PDZD2: variants seen among roughly 807,000 people sequenced by gnomAD.
PDZD2 encodes the protein PDZ domain-containing protein 2.
PDZD2 carries 90 observed loss-of-function variants against 220.7 expected under a neutral mutation model. The observed-to-expected ratio is 0.41, with a 90% CI of 0.34 to 0.49. PDZD2 has a LOEUF of 0.49. Ranked by LOEUF, PDZD2 falls within the 20% of genes least tolerant of loss-of-function variation. The pLI is 0.28. For missense variants in PDZD2, 3,174 were observed against 3,608.5 expected (o/e 0.88, Z 3.08); for synonymous variants, 1,375 against 1,450.5 (o/e 0.95, Z 1.18).
intron 1 of PDZD2, chr5:31,661,478 G>A (rs994038528): frequency 2.6e-5 from 4 of 152,192 alleles, no homozygotes; most frequent in Non-Finnish European, 4.4e-5. Flanking sequence ...GGGGACAGCC[G>A]AGCCAAGAAT....
rs1017504360 is a variant in PDZD2, at chr5:31,743,409, C to T, written c.-360-55480C>T. Among the ~76,000 whole-genome samples the T allele has an allele frequency of 3.3e-5, 5 of 152,058 alleles. No individual in the cohort carries two copies. In the South Asian group the frequency reaches 6.2e-4, roughly 19 times the overall value. On this transcript the variant is annotated intron_variant, in intron 1 of 24. Coordinates refer to ENST00000438447, the MANE Select transcript of PDZD2 (RefSeq NM_178140.4). ...CAGGGCTCAAGCGATCCACCCATCT[C>T]GGCCTCCCAAAGTGCTGGGACTACA...
At chr5:31,880,856 C>T (rs1739826776) in intron 2 of PDZD2, among the ~76,000 whole-genome samples, 2 of 123,658 alleles carry the variant, frequency 1.6e-5, no homozygotes, top group African/African-American at 6.4e-5. Flanking sequence ...GGCTGGAGTG[C>T]AATGGTGCAA....
intron 3 of PDZD2, among the ~76,000 whole-genome samples, chr5:31,994,987 T>C (rs990089942): frequency 1.3e-5 from 2 of 152,182 alleles, no homozygotes; most frequent in Non-Finnish European, 2.9e-5. Flanking sequence ...TAGGTGGCTT[T>C]CATAAGTTAT....
At chr5:31,831,191 A>T (rs186485664) in intron 2 of PDZD2, among the ~76,000 whole-genome samples, 2 of 152,378 alleles carry the variant, frequency 1.3e-5, no homozygotes, top group Non-Finnish European at 2.9e-5. Flanking sequence ...TGGTACAAAG[A>T]ATAACCATGG....
chr5:31,960,348 G>A (rs1353430340), intron 2 of PDZD2, among the ~76,000 whole-genome samples: 2 of 123,736 alleles, frequency 1.6e-5, no homozygotes, highest in African/African-American at 5.6e-5. Context: ...CTCCTGAGTA[G>A]CTGGGATTAC....
In PDZD2 at chr5:31,966,288, G is replaced by C. The variant is rs573744567; in HGVS notation, c.477-16867G>C. 2.6e-5 allele frequency among the ~76,000 whole-genome samples: 4 copies of C among 152,248 alleles called. No homozygotes were observed. In the South Asian group the frequency reaches 8.3e-4, roughly 32 times the overall value. On this transcript the variant is annotated intron_variant, in intron 2 of 24. Coordinates refer to ENST00000438447, the MANE Select transcript of PDZD2 (RefSeq NM_178140.4). ...CAGTACACAGACTATAGGTACTGTA[G>C]TTAATATTGTACCTCCCCCCATGTC...
chr5:32,089,001 T>A lies in PDZD2; in HGVS notation c.5553T>A (p.Pro1851=). ...AGGGCGTTACTGTGCCTCATAGCCC[T>A]CCTCAGCCGAAAACAAACCTGGAAA... ...QKKGVTVPHS[P]PQPKTNLENK... is the part of the protein sequence containing the mutation. The change falls in exon 20 of 25, where the codon CCT becomes CCA. Residue 1851 remains proline (P), a synonymous_variant. Coordinates refer to ENST00000438447, the MANE Select transcript of PDZD2 (RefSeq NM_178140.4). 6.2e-7 allele frequency: 1 copy of A among 1,613,916 alleles called. No individual in the cohort carries two copies.
At chr5:32,027,321 C>T (rs191669252) in intron 6 of PDZD2, among the ~76,000 whole-genome samples, 175 of 152,314 alleles carry the variant, frequency 1.1e-3, no homozygotes, top group Non-Finnish European at 9.7e-4. Context: ...GATTACATTC[C>T]TGTGCCCTTA....
chr5:31,823,746 C>G (rs896835351), intron 2 of PDZD2, among the ~76,000 whole-genome samples: 15 of 152,128 alleles, frequency 9.9e-5, no homozygotes, highest in African/African-American at 3.1e-4. Flanking sequence ...CTCTTACGGT[C>G]CTGAGAATTG....
intron 2 of PDZD2, among the ~76,000 whole-genome samples, chr5:31,853,705 T>G (rs1407819903): frequency 6.6e-6 from 1 of 152,164 alleles, no homozygotes; most frequent in Non-Finnish European, 1.5e-5. Context: ...ATCTGTCCGT[T>G]GCAAAGCTCA....
chr5:31,795,546 T>A (rs1304967814), intron 1 of PDZD2, among the ~76,000 whole-genome samples: 1 of 152,196 alleles, frequency 6.6e-6, no homozygotes, highest in Non-Finnish European at 1.5e-5. Context: ...ACTGTTGAGA[T>A]GGATTGATCT....
At chr5:31,714,057 A>G (rs570805812) in intron 1 of PDZD2, among the ~76,000 whole-genome samples, 17 of 152,356 alleles carry the variant, frequency 1.1e-4, no homozygotes, top group Admixed American at 1.0e-3. Context: ...GTACACTGGC[A>G]TTTCTCTTTA....
intron 1 of PDZD2, among the ~76,000 whole-genome samples, chr5:31,662,772 G>A (rs932032990): frequency 2.0e-5 from 3 of 152,196 alleles, no homozygotes; most frequent in African/African-American, 7.2e-5. Flanking sequence ...TGGGACTACA[G>A]GCGCCCACCA....
At chr5:31,946,021 G>A (rs1746597998) in intron 2 of PDZD2, among the ~76,000 whole-genome samples, 1 of 152,070 alleles carries the variant, frequency 6.6e-6, no homozygotes, top group African/African-American at 2.4e-5. Flanking sequence ...TTCTCTTTTT[G>A]AGATGGAGTC....
At chr5:32,084,569 A>G (rs1252532725) in intron 19 of PDZD2, among the ~76,000 whole-genome samples, 1 of 152,254 alleles carries the variant, frequency 6.6e-6, no homozygotes, top group Non-Finnish European at 1.5e-5. Flanking sequence ...GGTTAAAAAA[A>G]TGCAATTAAG....
intron 6 of PDZD2, among the ~76,000 whole-genome samples, chr5:32,035,372 A>G (rs1054518331): frequency 2.0e-5 from 3 of 151,698 alleles, no homozygotes; most frequent in Admixed American, 1.3e-4. Flanking sequence ...GTGATTCTCC[A>G]GCCTTAGCCT....
intron 2 of PDZD2, among the ~76,000 whole-genome samples, chr5:31,943,880 G>C (rs915909180): frequency 6.6e-6 from 1 of 152,164 alleles, no homozygotes; most frequent in Non-Finnish European, 1.5e-5. Flanking sequence ...CTCAAATTTG[G>C]TATTTCCTTC....
At chr5:31,854,101 G>A (rs1758220735) in intron 2 of PDZD2, among the ~76,000 whole-genome samples, 1 of 152,186 alleles carries the variant, frequency 6.6e-6, no homozygotes, top group Non-Finnish European at 1.5e-5. Context: ...TGAAATGTGG[G>A]GTGACTCCCC....
intron 2 of PDZD2, among the ~76,000 whole-genome samples, chr5:31,865,082 C>T (rs559582821): frequency 2.0e-5 from 3 of 151,394 alleles, no homozygotes; most frequent in East Asian, 2.0e-4. Context: ...CTCCTGACCT[C>T]GTGATCCGCC....
Sources: allele counts gnomAD v4.1 joint callset (sites outside exome capture counted in the v4.1 genomes callset), GRCh38; gene constraint gnomAD v4.1.1; transcripts MANE v1.5; gene names NCBI Gene and HGNC (gene_info 2026-07-23, HGNC 2026-07-21).